Variants in AKAP7 observed in about 807,000 individuals in gnomAD.
AKAP7 encodes the protein A-kinase anchoring protein 7, also known as A kinase (PRKA) anchor protein 7.
AKAP7 carries 39 observed loss-of-function variants against 39.5 expected under a neutral mutation model. The ratio of observed to expected loss-of-function variants is 0.99; its 90% CI spans 0.76 to 1.29. AKAP7 has a LOEUF of 1.29. Among genes scored for constraint, AKAP7 ranks in the 50% most tolerant of loss-of-function variants. The pLI is 0.00. For synonymous variants in AKAP7, 140 were observed against 139.1 expected, an observed-to-expected ratio of 1.01 and a Z score of -0.05; for missense variants, 414 against 407.7, an observed-to-expected ratio of 1.02 and a Z score of -0.13.
At chr6:131,179,902 A>T (rs1038839537) in intron 5 of AKAP7, among the ~76,000 whole-genome samples, 1 of 151,996 alleles carries the variant, frequency 6.6e-6, no homozygotes, top group East Asian at 1.9e-4. Context: ...TAAATAATAA[A>T]TAAATAAATA....
At chr6:131,209,173 A>AT (rs113718043) in intron 6 of AKAP7, among the ~76,000 whole-genome samples, 119 of 148,558 alleles carry the variant, frequency 8.0e-4, no homozygotes, top group Middle Eastern at 3.5e-3. Context: ...AGCTTAAGTG[A>AT]TTTTTTTTTT....
chr6:131,189,439 G>T (rs144852559), intron 5 of AKAP7, among the ~76,000 whole-genome samples: 2 of 152,198 alleles, frequency 1.3e-5, no homozygotes, highest in African/African-American at 4.8e-5. Context: ...CAATATTAGA[G>T]AAAGGGAGAA....
chr6:131,231,087 T>TATGA (rs2128305684), intron 7 of AKAP7, among the ~76,000 whole-genome samples: 1 of 152,288 alleles, frequency 6.6e-6, no homozygotes, highest in Admixed American at 6.5e-5. Flanking sequence ...TTAATTTTGA[T>TATGA]CAGTATTTTC....
At chr6:131,254,471 A>T (rs115175311) in intron 7 of AKAP7, among the ~76,000 whole-genome samples, 1,770 of 152,336 alleles carry the variant, frequency 0.012, 30 homozygotes, top group African/African-American at 0.04. Context: ...TCACAAGAAA[A>T]CTTAATAACT....
intron 2 of AKAP7, among the ~76,000 whole-genome samples, chr6:131,159,179 T>C (rs1359306226): frequency 4.6e-5 from 7 of 152,120 alleles, no homozygotes; most frequent in Non-Finnish European, 1.0e-4. Flanking sequence ...CTCCAAGCTC[T>C]GCCTCCTGGG....
chr6:131,241,432 C>G (rs964454214), intron 7 of AKAP7, among the ~76,000 whole-genome samples: 1 of 151,906 alleles, frequency 6.6e-6, no homozygotes, highest in African/African-American at 2.4e-5. Flanking sequence ...CAGTGGTGCC[C>G]TACACCAATT....
chr6:131,250,350 G>A, intron 7 of AKAP7: 1 of 1,372,248 alleles, frequency 7.3e-7, no homozygotes, highest in African/African-American at 1.5e-5. Flanking sequence ...AGTTGCATTA[G>A]GCTGGAGGAC....
At chr6:131,180,834 GT>G (rs59511934) in intron 5 of AKAP7, among the ~76,000 whole-genome samples, 52,407 of 111,014 alleles carry the variant, frequency 0.47, 10,906 homozygotes, top group East Asian at 0.87. Context: ...TGTTTGTTTT[GT>G]TTTTTTTTTT....
At chr6:131,216,683 A>T (rs1809211201) in intron 6 of AKAP7, among the ~76,000 whole-genome samples, 1 of 152,150 alleles carries the variant, frequency 6.6e-6, no homozygotes, top group African/African-American at 2.4e-5. Context: ...GTTTCTTACC[A>T]CTATTTTATT....
chr6:131,175,672 G>A (rs1325888826), intron 5 of AKAP7, among the ~76,000 whole-genome samples: 1 of 152,220 alleles, frequency 6.6e-6, no homozygotes, highest in Non-Finnish European at 1.5e-5. Context: ...AACAGCAGAA[G>A]TAGGAAAGTC....
At chr6:131,142,118 T>TGTG in intron 1 of AKAP7, among the ~76,000 whole-genome samples, 1 of 152,194 alleles carries the variant, frequency 6.6e-6, no homozygotes, top group South Asian at 2.1e-4. Context: ...AGCTTAGGCT[T>TGTG]GTGGTAAAGA....
intron 6 of AKAP7, among the ~76,000 whole-genome samples, chr6:131,213,352 G>C (rs1047053347): frequency 2.0e-5 from 3 of 152,170 alleles, no homozygotes; most frequent in Non-Finnish European, 2.9e-5. Context: ...GTGTTAGAAA[G>C]TATTGATTAG....
At chr6:131,131,199 C>T (rs1198807164), upstream of AKAP7, among the ~76,000 whole-genome samples, 1 of 152,302 alleles carries the variant, frequency 6.6e-6, no homozygotes, top group East Asian at 1.9e-4. Flanking sequence ...CATCCACCCT[C>T]CAGAAAGTAT....
At chr6:131,134,534 C>T (rs1800405409), upstream of AKAP7, among the ~76,000 whole-genome samples, 1 of 152,184 alleles carries the variant, frequency 6.6e-6, no homozygotes, top group South Asian at 2.1e-4. Context: ...ATATGATCAG[C>T]TCCATAAGTA....
Position 131,171,983 on chromosome 6 carries a change from G to A in AKAP7, c.589+2710G>A, listed in dbSNP as rs201252168. ...AAGAGTGAGACAGGAAAATTAGGAG[G>A]TGTGATCAGAGAGCAGTATATTGGA... On this transcript the variant is annotated intron_variant, in intron 5 of 7. Transcript: ENST00000431975. Among the ~76,000 whole-genome samples, 6 of 152,254 alleles carry A rather than the reference G, an allele frequency of 3.9e-5. No homozygotes were observed. In the South Asian group the frequency reaches 6.2e-4, roughly 16 times the overall value.
chr6:131,279,086 G>A (rs1346209315), intron 7 of AKAP7, among the ~76,000 whole-genome samples: 1 of 152,112 alleles, frequency 6.6e-6, no homozygotes, highest in Non-Finnish European at 1.5e-5. Flanking sequence ...ATAACTAAAG[G>A]TTTTATACCT....
At chr6:131,248,829 A>T (rs1343525393) in intron 7 of AKAP7, among the ~76,000 whole-genome samples, 1 of 152,222 alleles carries the variant, frequency 6.6e-6, no homozygotes, top group Non-Finnish European at 1.5e-5. Flanking sequence ...AAATCATTTT[A>T]TATTTTAAAA....
intron 7 of AKAP7, among the ~76,000 whole-genome samples, chr6:131,236,023 T>C (rs1165724502): frequency 6.6e-6 from 1 of 152,194 alleles, no homozygotes; most frequent in South Asian, 2.1e-4. Flanking sequence ...TCTTCTAGGG[T>C]TTTTATGGTT....
At chr6:131,250,675 T>G in intron 7 of AKAP7, 1 of 1,565,780 alleles carries the variant, frequency 6.4e-7, no homozygotes, top group Non-Finnish European at 8.8e-7. Flanking sequence ...TGCGGTTGTC[T>G]TCTAGGGGTA....
Sources: allele counts gnomAD v4.1 joint callset (sites outside exome capture counted in the v4.1 genomes callset), GRCh38; gene constraint gnomAD v4.1.1; transcripts MANE v1.5; gene names NCBI Gene and HGNC (gene_info 2026-07-23, HGNC 2026-07-21).